EPG5: variants seen among roughly 807,000 people sequenced by gnomAD.
The protein encoded by EPG5 is ectopic P-granules 5 autophagy tethering factor.
In EPG5, 159 loss-of-function variants were observed where a neutral mutation model predicts 302.7. The observed-to-expected ratio is 0.53, with a 90% CI of 0.46 to 0.60. The LOEUF is 0.60. Among genes scored for constraint, EPG5 ranks in the 20% least tolerant of loss-of-function variants. The pLI, the probability that EPG5 is intolerant of heterozygous loss-of-function variation, is 0.00. For missense variants in EPG5, 2,896 were observed against 3,092.4 expected, an observed-to-expected ratio of 0.94 and a Z score of 1.51; for synonymous variants, 1,158 against 1,136.8, an observed-to-expected ratio of 1.02 and a Z score of -0.37.
intron 16 of EPG5, among the ~76,000 whole-genome samples, 161 bp from the exon 17 acceptor site, chr18:45,917,980 G>C (rs1318414320): frequency 6.6e-6 from 1 of 152,186 alleles, no homozygotes; most frequent in Non-Finnish European, 1.5e-5. Flanking sequence ...CAGAATTCTA[G>C]AATTGCAAAG....
In EPG5 at chr18:45,860,084, G is replaced by A. The variant is rs367613516; in HGVS notation, c.7009+20C>T. The A allele has an allele frequency of 2.6e-4, 422 of 1,613,728 alleles. 2 individuals carry two copies. The highest frequency in any genetic ancestry group is 7.8e-4 in the South Asian group (71 of 91,054). On this transcript the variant is annotated intron_variant, in intron 40 of 43. Coordinates refer to ENST00000282041, the MANE Select transcript of EPG5 (RefSeq NM_020964.3). ...CTGGAAAAGACCAATACAATGGAGC[G>A]TAAGATGACCTCCTCTTACTTTCTT... is the stretch of plus-strand genomic sequence containing the variant.
chr18:45,912,864 G>T (rs1044396614), intron 21 of EPG5, among the ~76,000 whole-genome samples: 1 of 152,170 alleles, frequency 6.6e-6, no homozygotes, highest in Non-Finnish European at 1.5e-5. Flanking sequence ...AAAGCAGGTG[G>T]ATCACTTCAG....
At position 45,939,313 on chromosome 18, in the gene EPG5, T is replaced by C. The variant is rs149370858; in HGVS notation, c.2099+287A>G. Among the ~76,000 whole-genome samples the C allele has an allele frequency of 5.5e-3, 832 of 152,212 alleles. 7 individuals are homozygous for C. Among genetic ancestry groups the C allele is most frequent in the African/African-American group, 0.019 (775 of 41,536 alleles). On this transcript the variant is annotated intron_variant, in intron 10 of 43. Transcript: ENST00000282041. Reference sequence around the variant, plus strand: ...TGATAGATAGAATCTATCCTTGTTTTCCCCTGCTCAAGGCTGCCCCAAAAG... The same window carrying C: ...TGATAGATAGAATCTATCCTTGTTTCCCCCTGCTCAAGGCTGCCCCAAAAG...
chr18:45,865,631 AATG>A lies in EPG5; in HGVS notation c.6747_6749del (p.Ile2250del). ...GTCACTTACCGGGCGGGTTAAAGACAATGATATCGTCTAAGAGCTTAGACATTT... is the reference window on the plus strand; with the variant it reads ...GTCACTTACCGGGCGGGTTAAAGACAATATCGTCTAAGAGCTTAGACATTT... On this transcript the variant is annotated inframe_deletion, in exon 39 of 44. Coordinates refer to ENST00000282041, the MANE Select transcript of EPG5 (RefSeq NM_020964.3). 6.2e-7 allele frequency: 1 copy of A among 1,614,074 alleles called. No individual in the cohort carries two copies. Among genetic ancestry groups the A allele is most frequent in the Non-Finnish European group, 8.5e-7 (1 of 1,179,974 alleles).
At chr18:45,858,167 C>G (rs1359714782) in intron 41 of EPG5, 99 bp from the exon 42 acceptor site, 9 of 874,664 alleles carry the variant, frequency 1.0e-5, no homozygotes, top group Non-Finnish European at 7.1e-6. Context: ...AGGAGACATT[C>G]AGTACTTCAA....
chr18:45,905,726 C>A (rs1315517599), intron 24 of EPG5, among the ~76,000 whole-genome samples: 1 of 152,150 alleles, frequency 6.6e-6, no homozygotes, highest in African/African-American at 2.4e-5. Flanking sequence ...CAAGGGCTGA[C>A]TTAAAAAGAA....
intron 20 of EPG5, among the ~76,000 whole-genome samples, chr18:45,915,053 C>T (rs1021894424): frequency 2.6e-5 from 4 of 151,428 alleles, no homozygotes; most frequent in South Asian, 4.2e-4. Context: ...CCGAGGTGGG[C>T]GGATCACCTG....
chr18:45,947,974 C>T (rs1447387284), intron 6 of EPG5, among the ~76,000 whole-genome samples: 4 of 152,002 alleles, frequency 2.6e-5, no homozygotes, highest in East Asian at 1.9e-4. Flanking sequence ...GGAGTTTCAC[C>T]GTGTTGGCCA....
Position 45,952,650 on chromosome 18 carries a change from G to A in EPG5, c.1009-7C>T. ...CTTGATCTGCACAGATACCCTACCA[G>A]AGGACAAAAAGGTACAATATGAAAC... is the stretch of plus-strand genomic sequence containing the variant. On this transcript the variant is annotated splice_polypyrimidine_tract_variant and splice_region_variant and intron_variant, in intron 2 of 43. Transcript: ENST00000282041. 1 of 1,612,686 alleles carries A rather than the reference G, an allele frequency of 6.2e-7. No homozygotes were observed. The highest frequency in any genetic ancestry group is 8.5e-7 in the Non-Finnish European group (1 of 1,179,278).
intron 6 of EPG5, among the ~76,000 whole-genome samples, chr18:45,947,537 G>GT (rs2050811040): frequency 3.9e-5 from 6 of 152,204 alleles, no homozygotes. Flanking sequence ...ATCCAAGGCA[G>GT]TAAGGGAGAG....
intron 4 of EPG5, 56 bp downstream of exon 4, chr18:45,951,046 C>A: frequency 1.5e-6 from 2 of 1,337,870 alleles, no homozygotes; most frequent in South Asian, 2.0e-5. Flanking sequence ...ACAGATAATT[C>A]CTAAATTATG....
At chr18:45,831,102 G>A in the EPG5 span, among the ~76,000 whole-genome samples, 5 of 152,020 alleles carry the variant, frequency 3.3e-5, no homozygotes, top group South Asian at 4.2e-4. Context: ...CTGGAGCCCC[G>A]GACAGACCCC....
chr18:45,880,116 C>T lies in EPG5; in HGVS notation c.5626G>A (p.Val1876Met), dbSNP rs1474043173. The T allele has an allele frequency of 6.2e-7, 1 of 1,610,388 alleles. No homozygotes were observed. Among genetic ancestry groups the T allele is most frequent in the East Asian group, 2.2e-5 (1 of 44,780 alleles). ...QQGAASTEGA[V>M]LPSSSDALLS... ...AGAGCATCAGAAGAGCTGGGAAGCA[C>T]GGCGCCCTCGGTGGACGCTGCCCCC... Residue 1876 changes from valine to methionine, a missense_variant, in exon 32 of 44, where the codon GTG (valine) becomes ATG (methionine). Val to Met is a conservative substitution (Grantham distance 21). Around this residue, in one of 5 missense-constraint regions of EPG5, gnomAD observed 790 missense variants for 798.0 expected, o/e 0.99. Transcript: ENST00000282041.
At chr18:45,923,419 A>G (rs1484614393) in intron 14 of EPG5, 32 bp from the exon 15 acceptor site, 4 of 1,599,162 alleles carry the variant, frequency 2.5e-6, no homozygotes, top group Non-Finnish European at 3.4e-6. Context: ...ACAAACATAC[A>G]ACCTTGGTTT....
chr18:45,923,200 C>A lies in EPG5; in HGVS notation c.2838+68G>T, dbSNP rs541890198. 1.6e-4 allele frequency: 241 copies of A among 1,546,678 alleles called. No homozygotes were observed. In the African/African-American group the frequency reaches 2.9e-3, roughly 19 times the overall value. On this transcript the variant is annotated intron_variant, in intron 15 of 43. Transcript: ENST00000282041. ...CTAATGGTCAATAGTATAAGTCTAT[C>A]ATCTTTATTTCTAAATGTCTTGGGA...
rs1185353140 is a variant in EPG5 at position 45,889,826 on chromosome 18, C to T, written c.4924G>A (p.Ala1642Thr). 1 of 1,608,846 alleles carries T rather than the reference C, an allele frequency of 6.2e-7. No homozygotes were observed. ...AKPPSLNIVE[A>T]AVHAENLITA... ...ATCAAGTTTTCTGCATGTACAGCAGCTTCCACAATATTAAGTGATGGTGGT... is the reference window on the plus strand; with the variant it reads ...ATCAAGTTTTCTGCATGTACAGCAGTTTCCACAATATTAAGTGATGGTGGT... The change falls in exon 28 of 44, where the codon GCT (alanine) becomes ACT (threonine). Residue 1642 changes from alanine to threonine, a missense_variant. Transcript: ENST00000282041.
At chr18:45,916,812 T>C (rs1010336254) in intron 17 of EPG5, 2 of 318,370 alleles carry the variant, frequency 6.3e-6, no homozygotes, top group African/African-American at 4.2e-5. Flanking sequence ...CACAAACACA[T>C]GCAAGTTAAA....
chr18:45,961,811 T>C (rs2051154049), intron 1 of EPG5, among the ~76,000 whole-genome samples: 1 of 146,116 alleles, frequency 6.8e-6, no homozygotes, highest in South Asian at 2.1e-4. Flanking sequence ...TCAGCCAAGA[T>C]CGCGCCACTG....
intron 14 of EPG5, among the ~76,000 whole-genome samples, chr18:45,923,951 C>T (rs954342466): frequency 1.3e-5 from 2 of 151,696 alleles, no homozygotes; most frequent in Non-Finnish European, 2.9e-5. Flanking sequence ...TTGATTGAAC[C>T]CAGGAGGCAG....
Sources: gnomAD v4.1 joint callset for allele counts (sites outside exome capture counted in the v4.1 genomes callset) on GRCh38, gnomAD v4.1.1 for gene constraint, gnomAD v4.1.1 regional missense constraint, MANE v1.5 for transcripts, NCBI Gene and HGNC (gene_info 2026-07-23, HGNC 2026-07-21) for gene names.